Variants in CC2D2A observed in about 807,000 individuals in gnomAD.
CC2D2A encodes coiled-coil and C2 domain-containing protein 2A.
Under a neutral mutation model 212.9 loss-of-function variants are expected in CC2D2A, and 155 were observed. The observed-to-expected ratio is 0.73, with a 90% CI of 0.64 to 0.83. The LOEUF is 0.83. Among genes scored for constraint, CC2D2A ranks in the 40% least tolerant of loss-of-function variants. The probability of loss-of-function intolerance (pLI) is 0.00; values close to 1 mark genes in which losing one functional copy is unlikely to be tolerated. For missense variants in CC2D2A, 1,856 were observed against 1,956.2 expected, an observed-to-expected ratio of 0.95 and a Z score of 0.97; for synonymous variants, 667 against 686.5, an observed-to-expected ratio of 0.97 and a Z score of 0.44.
rs1205771467 is a variant in CC2D2A at position 15,574,338 on chromosome 4, T to C, written c.3771+12T>C. ...CCATTCGAGAAAAGGTAACTACTTA[T>C]AGTTTGGAAACCCATGTCTATGTTG... On this transcript the variant is annotated intron_variant, in intron 29 of 36. Transcript: ENST00000424120. 2.6e-6 allele frequency: 4 copies of C among 1,536,396 alleles called. No homozygotes were observed. Among genetic ancestry groups the C allele is most frequent in the South Asian group, 1.2e-5 (1 of 81,386 alleles).
chr4:15,503,955 G>A (rs1459678700), intron 6 of CC2D2A, among the ~76,000 whole-genome samples: 1 of 152,190 alleles, frequency 6.6e-6, no homozygotes, highest in Admixed American at 6.5e-5. Flanking sequence ...TGAGGGGTAA[G>A]CGCTAAGACG....
intron 2 of CC2D2A, among the ~76,000 whole-genome samples, chr4:15,476,501 A>G (rs147981295): frequency 2.0e-5 from 3 of 152,402 alleles, no homozygotes; most frequent in African/African-American, 7.2e-5. Flanking sequence ...TGAGGGTGCT[A>G]TATCAGAGAC....
Position 15,596,140 on chromosome 4 carries a change from C to G in CC2D2A, c.4370C>G (p.Thr1457Ser). Reference sequence around the variant, plus strand: ...CCACTAAGGATAAATTTTGATGTCACCAGGCCCAAGCTATGGAAATCTTTC... The same window carrying G: ...CCACTAAGGATAAATTTTGATGTCAGCAGGCCCAAGCTATGGAAATCTTTC... ...ESPLRINFDV[T>S]RPKLWKSFFS... is the part of the protein sequence containing the mutation. The change falls in exon 34 of 37, where the codon ACC (threonine) becomes AGC (serine). Residue 1457 changes from threonine to serine, a missense_variant. Around this residue, in one of 5 missense-constraint regions of CC2D2A, gnomAD observed 285 missense variants for 278.4 expected, o/e 1.02. Coordinates refer to ENST00000424120, the MANE Select transcript of CC2D2A (RefSeq NM_001378615.1). 1 of 1,549,710 alleles carries G rather than the reference C, an allele frequency of 6.5e-7. No homozygotes were observed. The highest frequency in any genetic ancestry group is 8.7e-7 in the Non-Finnish European group (1 of 1,145,942).
In CC2D2A at chr4:15,557,282, T is replaced by A. The variant is rs770430644; in HGVS notation, c.2626-22T>A. The stretch of plus-strand genomic sequence containing the variant: ...TGAGATCTGACTGTCATCTGGAGTT[T>A]TGCATTTTCCGTTTTTTATAGGTTG... On this transcript the variant is annotated intron_variant, in intron 20 of 36. Transcript: ENST00000424120. 4 of 1,576,892 alleles carry A rather than the reference T, an allele frequency of 2.5e-6. No individual in the cohort carries two copies. The Admixed American group carries it at 5.2e-5, about 21-fold the overall frequency.
At chr4:15,601,145 G>A in intron 36 of CC2D2A, 92 bp from the exon 37 acceptor site, 1 of 691,362 alleles carries the variant, frequency 1.4e-6, no homozygotes, top group Non-Finnish European at 2.1e-6. Flanking sequence ...CTGAGATCCA[G>A]AACACTTATC....
At position 15,473,372 on chromosome 4, in the gene CC2D2A, C is replaced by T. The variant is rs11728800; in HGVS notation, c.-18-2543C>T. 40,110 of 151,962 alleles carry T rather than the reference C, an allele frequency of 0.26. 6,692 individuals are homozygous for T. The highest frequency in any genetic ancestry group is 0.38 in the Non-Finnish European group (25,715 of 67,948). 9.4% of individuals were successfully genotyped at this position (151,962 alleles called of 1,614,324 possible). On this transcript the variant is annotated intron_variant, in intron 1 of 36. Transcript: ENST00000424120. ...TGTATTACGAATGGTCAGAGAAGAG[C>T]TCTCTGATAATAAAATTTCAGCTGA...
intron 4 of CC2D2A, among the ~76,000 whole-genome samples, chr4:15,485,153 C>T (rs1714925124): frequency 6.6e-6 from 1 of 152,236 alleles, no homozygotes; most frequent in African/African-American, 2.4e-5. Flanking sequence ...GGTCCTGCCT[C>T]TGGTAACCAT....
chr4:15,513,167 C>G (rs1244550681), intron 8 of CC2D2A, among the ~76,000 whole-genome samples: 1 of 152,188 alleles, frequency 6.6e-6, no homozygotes, highest in Non-Finnish European at 1.5e-5. Context: ...TATTCTATAA[C>G]AATCATTCTA....
At chr4:15,571,063 T>G (rs2109074784) in intron 28 of CC2D2A, among the ~76,000 whole-genome samples, 1 of 152,320 alleles carries the variant, frequency 6.6e-6, no homozygotes, top group South Asian at 2.1e-4. Flanking sequence ...TAGTAGTTAA[T>G]GTATGACTGT....
At chr4:15,544,434 T>G (rs530725928) in intron 17 of CC2D2A, among the ~76,000 whole-genome samples, 4 of 151,958 alleles carry the variant, frequency 2.6e-5, no homozygotes, top group African/African-American at 9.7e-5. Flanking sequence ...AAGATTAACA[T>G]GAGAAGACCG....
At chr4:15,470,868 C>T (rs1336480363) in intron 1 of CC2D2A, among the ~76,000 whole-genome samples, 1 of 151,886 alleles carries the variant, frequency 6.6e-6, no homozygotes, top group Non-Finnish European at 1.5e-5. Context: ...GCTGGGAAAA[C>T]AGACCTATAA....
chr4:15,498,347 G>T (rs1437549266), intron 4 of CC2D2A, among the ~76,000 whole-genome samples: 1 of 152,158 alleles, frequency 6.6e-6, no homozygotes, highest in Admixed American at 6.5e-5. Context: ...GTTCTTGCAT[G>T]CCCTCAAATC....
intron 11 of CC2D2A, among the ~76,000 whole-genome samples, chr4:15,522,529 AG>A (rs1717269052): frequency 1.3e-5 from 2 of 150,938 alleles, no homozygotes; most frequent in South Asian, 4.2e-4. Context: ...TTAATTACAG[AG>A]GGGGAAAAGG....
chr4:15,516,085 C>A (rs1716855343), intron 10 of CC2D2A, 81 bp downstream of exon 10: 1 of 1,358,224 alleles, frequency 7.4e-7, no homozygotes, highest in Admixed American at 2.9e-5. Flanking sequence ...GCAGTCATTG[C>A]ATCCACTGTA....
Position 15,556,226 on chromosome 4 carries a change from C to A in CC2D2A, c.2625+1016C>A, listed in dbSNP as rs192041751. ...AACAAGTAGGTAATCCAGAGGGTAG[C>A]CCTAGCAACACATCCTTATGATCAT... On this transcript the variant is annotated intron_variant, in intron 20 of 36. Transcript: ENST00000424120. Among the ~76,000 whole-genome samples the A allele has an allele frequency of 2.1e-3, 319 of 152,296 alleles. 2 individuals carry two copies. Among genetic ancestry groups the A allele is most frequent in the African/African-American group, 7.3e-3 (303 of 41,558 alleles).
At chr4:15,581,613 C>G (rs1720667468) in intron 30 of CC2D2A, among the ~76,000 whole-genome samples, 1 of 152,144 alleles carries the variant, frequency 6.6e-6, no homozygotes, top group Non-Finnish European at 1.5e-5. Flanking sequence ...AATGGATAAA[C>G]TAGGAAATGC....
intron 23 of CC2D2A, among the ~76,000 whole-genome samples, chr4:15,563,123 G>C (rs1719695335): frequency 6.6e-6 from 1 of 152,232 alleles, no homozygotes; most frequent in Admixed American, 6.5e-5. Flanking sequence ...GTAAGGGCCA[G>C]AGCATGGCTT....
rs1458623110 is a variant in CC2D2A, at chr4:15,533,200, A to C, written c.1474A>C (p.Arg492=). ...NEYKSEIRQT[R]KFRDAEQEKD... is the part of the protein sequence containing the mutation. The stretch of plus-strand genomic sequence containing the variant: ...TGTTATTATATCTTGCAGACAAACA[A>C]GAAAATTCCGTGATGCTGAACAAGA... Residue 492 remains arginine, a synonymous_variant, in exon 14 of 37, where the codon AGA becomes CGA. Transcript: ENST00000424120. 1 of 1,579,192 alleles carries C rather than the reference A, an allele frequency of 6.3e-7. No homozygotes were observed. The highest frequency in any genetic ancestry group is 8.5e-7 in the Non-Finnish European group (1 of 1,170,426).
chr4:15,586,391 T>C (rs949896804), intron 31 of CC2D2A, 145 bp downstream of exon 31: 53 of 479,766 alleles, frequency 1.1e-4, no homozygotes, highest in African/African-American at 7.9e-4. Flanking sequence ...AATTTTGAAG[T>C]ATTTTTTCTT....
Sources: allele counts gnomAD v4.1 joint callset (sites outside exome capture counted in the v4.1 genomes callset), GRCh38; gene constraint gnomAD v4.1.1; regional missense constraint gnomAD v4.1.1; transcripts MANE v1.5; gene names NCBI Gene and HGNC (gene_info 2026-07-23, HGNC 2026-07-21).